Variants in NHSL1 observed in about 807,000 individuals in gnomAD.
The protein encoded by NHSL1 is NHS-like protein 1.
Under a neutral mutation model 95.0 loss-of-function variants are expected in NHSL1, and 48 were observed. The ratio of observed to expected loss-of-function variants is 0.51; its 90% CI spans 0.40 to 0.64. The LOEUF (loss-of-function observed/expected upper bound fraction) is 0.64, where lower values mean the gene tolerates loss of function less well. Among genes scored for constraint, NHSL1 ranks in the 30% least tolerant of loss-of-function variants. NHSL1 has a pLI of 0.00. For missense variants in NHSL1, 1,971 were observed against 2,077.7 expected (o/e 0.95, Z 1.00); for synonymous variants, 783 against 833.9 (o/e 0.94, Z 1.05).
chr6:138,500,468 G>T (rs563248180), upstream of NHSL1, among the ~76,000 whole-genome samples: 5 of 152,318 alleles, frequency 3.3e-5, no homozygotes, highest in African/African-American at 4.8e-5. Flanking sequence ...AAAAGGAAAA[G>T]AATCTTCCTC....
At chr6:138,441,954 C>A in intron 5 of NHSL1, 29 bp downstream of exon 5, 2 of 1,532,628 alleles carry the variant, frequency 1.3e-6, no homozygotes, top group Non-Finnish European at 1.8e-6. Flanking sequence ...CAGTGAAGGG[C>A]AACAGAATAC....
At chr6:138,600,796 A>C (rs1470251553) in intron 1 of NHSL1, among the ~76,000 whole-genome samples, 1 of 152,198 alleles carries the variant, frequency 6.6e-6, no homozygotes, top group African/African-American at 2.4e-5. Flanking sequence ...GAAGAAACTC[A>C]TGTTTTAAAA....
chr6:138,653,485 C>T (rs1478410127), intron 1 of NHSL1, among the ~76,000 whole-genome samples: 12 of 151,928 alleles, frequency 7.9e-5, no homozygotes, highest in East Asian at 1.9e-4. Flanking sequence ...ACCCAGGAGG[C>T]GGAGATTGCA....
chr6:138,453,661 C>T (rs1446595442), intron 3 of NHSL1, among the ~76,000 whole-genome samples: 1 of 152,196 alleles, frequency 6.6e-6, no homozygotes, highest in Non-Finnish European at 1.5e-5. Context: ...ATCCTCCCAC[C>T]TCAGCCTCCC....
chr6:138,539,316 G>A (rs186515854), intron 1 of NHSL1, among the ~76,000 whole-genome samples: 42 of 152,248 alleles, frequency 2.8e-4, no homozygotes, highest in African/African-American at 9.4e-4. Context: ...AAGACCCTCA[G>A]GTTGTTTTCA....
upstream of NHSL1, among the ~76,000 whole-genome samples, chr6:138,502,831 T>C (rs1215484521): frequency 6.6e-6 from 1 of 152,170 alleles, no homozygotes; most frequent in Non-Finnish European, 1.5e-5. Context: ...TTATTATTGA[T>C]AAACTCCTTA....
chr6:138,645,175 GTTA>G (rs1215286940), intron 1 of NHSL1, among the ~76,000 whole-genome samples: 2 of 152,206 alleles, frequency 1.3e-5, no homozygotes, highest in African/African-American at 2.4e-5. Context: ...GGATAATAGA[GTTA>G]TATATGATAA....
At chr6:138,500,985 G>A (rs1003389344), upstream of NHSL1, among the ~76,000 whole-genome samples, 50 of 152,132 alleles carry the variant, frequency 3.3e-4, no homozygotes, top group Middle Eastern at 3.2e-3. Context: ...TTAAATTAGC[G>A]GGCAAAGTTC....
intron 4 of NHSL1, among the ~76,000 whole-genome samples, chr6:138,445,076 A>T (rs1192062545): frequency 2.0e-5 from 3 of 152,178 alleles, no homozygotes; most frequent in Non-Finnish European, 4.4e-5. Flanking sequence ...ATAGAATTAA[A>T]GCTCAGAGAC....
intron 1 of NHSL1, among the ~76,000 whole-genome samples, chr6:138,590,838 T>C (rs1401317053): frequency 6.6e-6 from 1 of 152,190 alleles, no homozygotes; most frequent in Non-Finnish European, 1.5e-5. Context: ...AAATTTAACT[T>C]TGTGGATGGT....
At chr6:138,451,260 C>T (rs1777218102) in intron 3 of NHSL1, among the ~76,000 whole-genome samples, 1 of 152,188 alleles carries the variant, frequency 6.6e-6, no homozygotes, top group Non-Finnish European at 1.5e-5. Flanking sequence ...AGGGCCTTTG[C>T]ACTTGCTGTT....
intron 1 of NHSL1, among the ~76,000 whole-genome samples, chr6:138,562,477 T>C (rs1159797316): frequency 1.3e-5 from 2 of 152,044 alleles, no homozygotes; most frequent in Non-Finnish European, 2.9e-5. Context: ...TGAAACGCCA[T>C]CTCTACTACA....
chr6:138,609,987 T>C (rs1040317303), intron 1 of NHSL1, among the ~76,000 whole-genome samples: 1 of 152,126 alleles, frequency 6.6e-6, no homozygotes, highest in Admixed American at 6.5e-5. Context: ...AGTTGCATGA[T>C]GCATCTTAGG....
chr6:138,672,562 A>G (rs2114764887), intron 1 of NHSL1, among the ~76,000 whole-genome samples: 1 of 152,294 alleles, frequency 6.6e-6, no homozygotes, highest in South Asian at 2.1e-4. Flanking sequence ...CTAATTCTAA[A>G]GTGGAATCAA....
chr6:138,474,673 G>A (rs891388000), intron 2 of NHSL1, among the ~76,000 whole-genome samples: 6 of 152,140 alleles, frequency 3.9e-5, no homozygotes, highest in African/African-American at 1.2e-4. Context: ...AAATGTTGTG[G>A]TCTGGGCTGG....
chr6:138,454,188 T>TGCGC (rs1554226358), intron 3 of NHSL1, among the ~76,000 whole-genome samples: 1,722 of 146,322 alleles, frequency 0.012, 38 homozygotes, highest in African/African-American at 0.041. Flanking sequence ...GTTATATGTG[T>TGCGC]GCGTGTGTGT....
intron 1 of NHSL1, among the ~76,000 whole-genome samples, chr6:138,537,521 G>A (rs1782405686): frequency 6.6e-6 from 1 of 152,128 alleles, no homozygotes. Flanking sequence ...ACCAAATTAA[G>A]CCCTTAGAGA....
rs1248907961 is a variant in NHSL1, at chr6:138,631,058, AGAGG to A, written c.96+61414_96+61417del. ...TGGACAGTGTTCCTGTGCTCTGGGGAGAGGGAAAGTCAGCAATTGTGAGGCACTG... is the reference window on the plus strand; with the variant it reads ...TGGACAGTGTTCCTGTGCTCTGGGGAGAAAGTCAGCAATTGTGAGGCACTG... On this transcript the variant is annotated intron_variant, in intron 1 of 3. Transcript: ENST00000491526. 1.0e-3 allele frequency among the ~76,000 whole-genome samples: 152 copies of A among 152,234 alleles called. 3 individuals are homozygous for A. Among genetic ancestry groups the A allele is most frequent in the Admixed American group, 7.6e-3 (116 of 15,292 alleles).
intron 1 of NHSL1, among the ~76,000 whole-genome samples, chr6:138,686,585 A>G (rs1306743367): frequency 6.6e-6 from 1 of 152,194 alleles, no homozygotes; most frequent in African/African-American, 2.4e-5. Context: ...TAAATCCCTC[A>G]GTAGAATCAC....
Sources: allele counts gnomAD v4.1 joint callset (sites outside exome capture counted in the v4.1 genomes callset), GRCh38; gene constraint gnomAD v4.1.1; transcripts MANE v1.5; gene names NCBI Gene and HGNC (gene_info 2026-07-23, HGNC 2026-07-21).